TAFA1: variants seen among roughly 807,000 people sequenced by gnomAD.
The protein encoded by TAFA1 is chemokine-like protein TAFA-1.
Under a neutral mutation model 18.5 loss-of-function variants are expected in TAFA1, and 4 were observed. The ratio of observed to expected loss-of-function variants is 0.22; its 90% CI spans 0.11 to 0.49. The LOEUF is 0.49. Among genes scored for constraint, TAFA1 ranks in the 20% least tolerant of loss-of-function variants. The pLI is 0.98. For synonymous variants in TAFA1, 56 were observed against 55.2 expected, an observed-to-expected ratio of 1.01 and a Z score of -0.06; for missense variants, 147 against 169.0, an observed-to-expected ratio of 0.87 and a Z score of 0.72.
chr3:68,480,664 A>T (rs888088372), intron 3 of TAFA1, among the ~76,000 whole-genome samples: 1 of 152,188 alleles, frequency 6.6e-6, no homozygotes, highest in East Asian at 1.9e-4. Context: ...GAGAGCAAAG[A>T]GTAGGCCAGA....
intron 2 of TAFA1, among the ~76,000 whole-genome samples, chr3:68,383,453 CTTTTG>C (rs2070023992): frequency 6.6e-6 from 1 of 152,034 alleles, no homozygotes; most frequent in South Asian, 2.1e-4. Flanking sequence ...TGGTTTTTGT[CTTTTG>C]TTTTGTTTAT....
intron 2 of TAFA1, among the ~76,000 whole-genome samples, chr3:68,024,102 T>C (rs769017442): frequency 2.6e-5 from 4 of 152,208 alleles, no homozygotes; most frequent in Admixed American, 6.6e-5. Context: ...TTATAGGGCA[T>C]ATTCAGTAAG....
At chr3:68,012,862 A>G (rs1160797259) in intron 2 of TAFA1, among the ~76,000 whole-genome samples, 1 of 152,134 alleles carries the variant, frequency 6.6e-6, no homozygotes, top group Non-Finnish European at 1.5e-5. Context: ...TCAGAATTAT[A>G]CTTCATGAAA....
chr3:68,508,236 C>CTTT (rs111541770), intron 3 of TAFA1, among the ~76,000 whole-genome samples: 13 of 149,742 alleles, frequency 8.7e-5, no homozygotes, highest in South Asian at 2.1e-4. Flanking sequence ...CCCATATGAT[C>CTTT]TTTTTTTTTT....
At chr3:68,074,880 A>T (rs893171794) in intron 2 of TAFA1, among the ~76,000 whole-genome samples, 2 of 152,262 alleles carry the variant, frequency 1.3e-5, no homozygotes, top group African/African-American at 4.8e-5. Flanking sequence ...GATAGTTGTC[A>T]ACATACAGAA....
chr3:68,344,983 A>G (rs185669394), intron 2 of TAFA1, among the ~76,000 whole-genome samples: 1 of 152,162 alleles, frequency 6.6e-6, no homozygotes, highest in East Asian at 1.9e-4. Context: ...TTAGTTCTTT[A>G]CAGTCTTCAA....
rs750787543 is a variant in TAFA1, at chr3:68,417,294, G to A, written c.133G>A (p.Glu45Lys). 4.3e-6 allele frequency: 7 copies of A among 1,613,030 alleles called. No homozygotes were observed. The highest frequency in any genetic ancestry group is 5.9e-6 in the Non-Finnish European group (7 of 1,179,462). The change falls in exon 3 of 5, where the codon GAA becomes AAA. Residue 45 changes from glutamate to lysine, a missense_variant. By Grantham distance (56) the Glu-to-Lys change is moderately conservative. Transcript: ENST00000478136. ...TCTCTTGCCAGAAGGAGGGACGTGTGAAGTGATAGCAGCACACCGATGTTG... is the reference window on the plus strand; with the variant it reads ...TCTCTTGCCAGAAGGAGGGACGTGTAAAGTGATAGCAGCACACCGATGTTG... ...HLHRPEGGTCEVIAAHRCCNK... is the reference protein window; with the variant it reads ...HLHRPEGGTCKVIAAHRCCNK...
At chr3:68,257,883 C>A (rs1200096699) in intron 2 of TAFA1, among the ~76,000 whole-genome samples, 3 of 152,122 alleles carry the variant, frequency 2.0e-5, no homozygotes, top group Non-Finnish European at 4.4e-5. Flanking sequence ...CCTGATTTCA[C>A]CTCTGTGATT....
chr3:68,255,806 A>G (rs1478281763), intron 2 of TAFA1, among the ~76,000 whole-genome samples: 1 of 152,100 alleles, frequency 6.6e-6, no homozygotes, highest in Non-Finnish European at 1.5e-5. Flanking sequence ...GAGATGGGCT[A>G]ATAGGAAGTG....
chr3:68,089,921 G>A (rs193106300), intron 2 of TAFA1, among the ~76,000 whole-genome samples: 4 of 152,156 alleles, frequency 2.6e-5, no homozygotes, highest in Non-Finnish European at 4.4e-5. Context: ...GCTATTATAC[G>A]TGTGATCTCT....
chr3:68,182,997 A>C (rs1445703980), intron 2 of TAFA1, among the ~76,000 whole-genome samples: 1 of 152,174 alleles, frequency 6.6e-6, no homozygotes, highest in East Asian at 1.9e-4. Flanking sequence ...TCTTTATTTC[A>C]GTTGGTTCAA....
chr3:68,364,671 A>T (rs1246343056), intron 2 of TAFA1, among the ~76,000 whole-genome samples: 1 of 152,196 alleles, frequency 6.6e-6, no homozygotes, highest in East Asian at 1.9e-4. Context: ...ATATTCTTCA[A>T]TTCTGTTTTT....
intron 2 of TAFA1, among the ~76,000 whole-genome samples, chr3:68,365,552 T>G (rs1275660336): frequency 6.6e-6 from 1 of 152,136 alleles, no homozygotes; most frequent in Non-Finnish European, 1.5e-5. Flanking sequence ...ACCCAAAAAA[T>G]CAAGGATGTG....
At chr3:68,495,998 CAAAAAAAAAA>C (rs199520960) in intron 3 of TAFA1, among the ~76,000 whole-genome samples, 4 of 107,568 alleles carry the variant, frequency 3.7e-5, no homozygotes, top group Non-Finnish European at 7.3e-5. Context: ...TTCCCTGAAG[CAAAAAAAAAA>C]AAAAAAAAAA....
intron 2 of TAFA1, among the ~76,000 whole-genome samples, chr3:68,148,293 T>G (rs891481350): frequency 6.6e-6 from 1 of 152,250 alleles, no homozygotes; most frequent in African/African-American, 2.4e-5. Context: ...CATAGCAGTC[T>G]GTATTTTGCA....
chr3:68,169,683 A>G lies in TAFA1; in HGVS notation c.118+162939A>G, dbSNP rs1231244834. ...AAATATTTGATGCACACTAAACTTCATGACAATGAGTCTGTATCTCACTCT... is the reference window on the plus strand; with the variant it reads ...AAATATTTGATGCACACTAAACTTCGTGACAATGAGTCTGTATCTCACTCT... On this transcript the variant is annotated intron_variant, in intron 2 of 4. Coordinates refer to ENST00000478136, the MANE Select transcript of TAFA1 (RefSeq NM_213609.4). Among the ~76,000 whole-genome samples the G allele has an allele frequency of 2.6e-5, 4 of 152,252 alleles. No homozygotes were observed. In the South Asian group the frequency reaches 6.2e-4, roughly 24 times the overall value.
intron 2 of TAFA1, among the ~76,000 whole-genome samples, chr3:68,413,224 G>T (rs1032949457): frequency 6.6e-6 from 1 of 152,066 alleles, no homozygotes; most frequent in Non-Finnish European, 1.5e-5. Context: ...TGATGGGGTT[G>T]TTTGATTTTT....
intron 2 of TAFA1, among the ~76,000 whole-genome samples, chr3:68,268,386 G>A (rs1326201584): frequency 6.6e-6 from 1 of 152,090 alleles, no homozygotes. Flanking sequence ...AAAACGTGTG[G>A]CCCCCGTGAC....
At chr3:68,536,419 T>A (rs182718298) in intron 3 of TAFA1, among the ~76,000 whole-genome samples, 1 of 152,136 alleles carries the variant, frequency 6.6e-6, no homozygotes, top group Non-Finnish European at 1.5e-5. Context: ...TTAAAGATCA[T>A]GGTGGAGAGC....
Sources: allele counts gnomAD v4.1 joint callset (sites outside exome capture counted in the v4.1 genomes callset), GRCh38; gene constraint gnomAD v4.1.1; transcripts MANE v1.5; gene names NCBI Gene and HGNC (gene_info 2026-07-23, HGNC 2026-07-21).